Variants in PRKD1 observed in about 807,000 individuals in gnomAD.
The protein encoded by PRKD1 is serine/threonine-protein kinase D1.
In PRKD1, 63 loss-of-function variants were observed where a neutral mutation model predicts 95.9. That is an observed-to-expected ratio of 0.66 (90% CI 0.54 to 0.81). The LOEUF (loss-of-function observed/expected upper bound fraction) is 0.81, where lower values mean the gene tolerates loss of function less well. Among genes scored for constraint, PRKD1 ranks in the 30% least tolerant of loss-of-function variants. PRKD1 has a pLI of 0.00. For synonymous variants in PRKD1, 425 were observed against 423.1 expected (o/e 1.00, Z -0.05); for missense variants, 1,048 against 1,165.3 (o/e 0.90, Z 1.47).
chr14:29,584,933 C>G (rs565633089), intron 16 of PRKD1, among the ~76,000 whole-genome samples: 2 of 152,156 alleles, frequency 1.3e-5, no homozygotes, highest in African/African-American at 4.8e-5. Flanking sequence ...CATTTTCCCC[C>G]GACTTCTCTC....
intron 1 of PRKD1, among the ~76,000 whole-genome samples, chr14:29,794,231 G>C (rs987451649): frequency 2.6e-5 from 4 of 151,592 alleles, no homozygotes; most frequent in African/African-American, 9.7e-5. Context: ...GCACATTAGA[G>C]TATTTAGCAG....
intron 1 of PRKD1, among the ~76,000 whole-genome samples, chr14:29,838,918 A>G (rs971797852): frequency 2.6e-5 from 4 of 152,150 alleles, no homozygotes; most frequent in Non-Finnish European, 4.4e-5. Flanking sequence ...ACAAACATCA[A>G]ATTTATGGTA....
Position 29,894,907 on chromosome 14 carries a change from T to A in PRKD1, c.264+32342A>T, listed in dbSNP as rs548930073. On this transcript the variant is annotated intron_variant, in intron 1 of 17. Coordinates refer to ENST00000331968, the MANE Select transcript of PRKD1 (RefSeq NM_002742.3). ...ACTAAAAGCAATTTAAACTAAGATG[T>A]CCTATTTAATTTCTAGACATATGAT... is the stretch of plus-strand genomic sequence containing the variant. Among the ~76,000 whole-genome samples, 8 of 152,372 alleles carry A rather than the reference T, an allele frequency of 5.3e-5. No individual in the cohort carries two copies. In the South Asian group the frequency reaches 1.7e-3, roughly 32 times the overall value.
intron 1 of PRKD1, among the ~76,000 whole-genome samples, chr14:29,767,676 T>C (rs1023578531): frequency 2.0e-5 from 3 of 152,184 alleles, no homozygotes; most frequent in African/African-American, 7.2e-5. Context: ...TAAACCATGT[T>C]CCTATTAATG....
chr14:29,666,297 G>A (rs1457793775), intron 2 of PRKD1, 89 bp from the exon 3 acceptor site: 15 of 1,351,310 alleles, frequency 1.1e-5, no homozygotes, highest in African/African-American at 7.2e-5. Context: ...ATGCCAGTAC[G>A]GATATAACTC....
intron 1 of PRKD1, among the ~76,000 whole-genome samples, chr14:29,850,351 A>C (rs1007425472): frequency 9.9e-5 from 15 of 151,810 alleles, no homozygotes; most frequent in Non-Finnish European, 4.4e-5. Flanking sequence ...AATGACTTGG[A>C]TCAAGTTTCA....
chr14:29,616,567 C>T (rs1031868986), intron 13 of PRKD1, among the ~76,000 whole-genome samples: 10 of 150,786 alleles, frequency 6.6e-5, no homozygotes, highest in South Asian at 2.1e-4. Flanking sequence ...CCTCAGCCAC[C>T]CAAGTAGCTG....
chr14:29,653,963 G>C (rs1276882675), intron 4 of PRKD1, among the ~76,000 whole-genome samples: 1 of 152,086 alleles, frequency 6.6e-6, no homozygotes, highest in Non-Finnish European at 1.5e-5. Flanking sequence ...TAGCAGGGAG[G>C]AAAAGCCTTT....
intron 7 of PRKD1, among the ~76,000 whole-genome samples, chr14:29,635,858 C>G (rs1050785831): frequency 2.6e-5 from 4 of 152,110 alleles, no homozygotes; most frequent in African/African-American, 9.7e-5. Flanking sequence ...GCACATACTT[C>G]TGAAATAATA....
At chr14:29,621,166 G>A (rs1368078018) in intron 13 of PRKD1, among the ~76,000 whole-genome samples, 1 of 146,164 alleles carries the variant, frequency 6.8e-6, no homozygotes, top group African/African-American at 2.5e-5. Flanking sequence ...CACAGGAAGG[G>A]GAACATCACA....
intron 1 of PRKD1, among the ~76,000 whole-genome samples, chr14:29,894,216 A>C (rs1029623730): frequency 2.0e-5 from 3 of 152,182 alleles, no homozygotes; most frequent in Admixed American, 6.5e-5. Context: ...TACACCAAGG[A>C]GGTGGGAGGA....
At chr14:29,799,413 A>G (rs1402769777) in intron 1 of PRKD1, among the ~76,000 whole-genome samples, 1 of 152,232 alleles carries the variant, frequency 6.6e-6, no homozygotes, top group Non-Finnish European at 1.5e-5. Context: ...CAGTGGTTCA[A>G]AACAGACACC....
Position 29,880,608 on chromosome 14 carries a change from C to A in PRKD1, c.264+46641G>T, listed in dbSNP as rs571702422. ...AGAGCTGTGAGAAGACAGCCACAGT[C>A]TTCCAGACCCCAGAATGGTAGATCC... On this transcript the variant is annotated intron_variant, in intron 1 of 17. Transcript: ENST00000331968. Among the ~76,000 whole-genome samples the A allele has an allele frequency of 3.5e-4, 53 of 152,224 alleles. 1 individual carries two copies. Among genetic ancestry groups the A allele is most frequent in the African/African-American group, 1.2e-3 (50 of 41,542 alleles).
At chr14:29,880,111 T>C (rs1445049928) in intron 1 of PRKD1, among the ~76,000 whole-genome samples, 1 of 152,188 alleles carries the variant, frequency 6.6e-6, no homozygotes, top group African/African-American at 2.4e-5. Context: ...GAGCCTAATG[T>C]TAATCCCCAA....
intron 2 of PRKD1, among the ~76,000 whole-genome samples, chr14:29,718,041 G>C (rs951590220): frequency 6.6e-6 from 1 of 152,138 alleles, no homozygotes; most frequent in African/African-American, 2.4e-5. Flanking sequence ...GTCACAAGTA[G>C]GGAAAAGTGG....
chr14:29,763,555 T>C (rs1888122347), intron 1 of PRKD1, among the ~76,000 whole-genome samples: 1 of 151,852 alleles, frequency 6.6e-6, no homozygotes, highest in South Asian at 2.1e-4. Flanking sequence ...CTTGTGATTG[T>C]TGTTAATGTT....
chr14:29,742,750 G>A (rs924999189), intron 1 of PRKD1, among the ~76,000 whole-genome samples: 2 of 151,988 alleles, frequency 1.3e-5, no homozygotes, highest in African/African-American at 2.4e-5. Context: ...GCATATAATC[G>A]ATCAATATAT....
At chr14:29,797,872 G>T (rs1276517421) in intron 1 of PRKD1, among the ~76,000 whole-genome samples, 3 of 152,120 alleles carry the variant, frequency 2.0e-5, no homozygotes, top group African/African-American at 7.2e-5. Flanking sequence ...GTAATCAGTG[G>T]TTAATACCAA....
At chr14:29,799,970 A>G (rs1594530051) in intron 1 of PRKD1, among the ~76,000 whole-genome samples, 1 of 152,168 alleles carries the variant, frequency 6.6e-6, no homozygotes, top group Non-Finnish European at 1.5e-5. Flanking sequence ...AGCCCCAAGC[A>G]TAGTGCTGAA....
Sources: gnomAD v4.1 joint callset for allele counts (sites outside exome capture counted in the v4.1 genomes callset) on GRCh38, gnomAD v4.1.1 for gene constraint, MANE v1.5 for transcripts, NCBI Gene and HGNC (gene_info 2026-07-23, HGNC 2026-07-21) for gene names.